Variants in TRA2A observed in about 807,000 individuals in gnomAD.
TRA2A encodes the protein transformer-2 protein homolog alpha.
TRA2A carries 31 observed loss-of-function variants against 45.7 expected under a neutral mutation model. The ratio of observed to expected loss-of-function variants is 0.68; its 90% CI spans 0.51 to 0.92. The LOEUF is 0.92. Ranked by LOEUF, TRA2A falls within the 40% of genes least tolerant of loss-of-function variation. The pLI is 0.00. For synonymous variants in TRA2A, 132 were observed against 126.2 expected, an observed-to-expected ratio of 1.05 and a Z score of -0.31; for missense variants, 304 against 367.5, an observed-to-expected ratio of 0.83 and a Z score of 1.41.
In TRA2A at chr7:23,516,341, T is replaced by C. The variant is rs1789869055; in HGVS notation, c.336+22A>G. On this transcript the variant is annotated intron_variant, in intron 3 of 7. Transcript: ENST00000297071. ...ACATAAAAGAGAAAATAAGTCTTCA[T>C]TAACTTTTATAAACCACGTACCCTG... 2.5e-6 allele frequency: 4 copies of C among 1,612,906 alleles called. No homozygotes were observed. In the Admixed American group the frequency reaches 6.7e-5, roughly 27 times the overall value.
chr7:23,516,331 T>TA (rs773830934), intron 3 of TRA2A, 32 bp downstream of exon 3: 12 of 1,610,744 alleles, frequency 7.4e-6, no homozygotes, highest in African/African-American at 1.3e-5. Context: ...AAAGAGAAAA[T>TA]AAGTCTTCAT....
chr7:23,516,780 A>C (rs981872443), intron 2 of TRA2A, among the ~76,000 whole-genome samples: 5 of 152,056 alleles, frequency 3.3e-5, no homozygotes, highest in African/African-American at 4.8e-5. Context: ...TAAAAAACAA[A>C]AAAAAAACAA....
chr7:23,525,449 G>GC (rs750486782), intron 1 of TRA2A, among the ~76,000 whole-genome samples: 35 of 152,126 alleles, frequency 2.3e-4, no homozygotes, highest in Non-Finnish European at 4.4e-4. Flanking sequence ...AAAATACACT[G>GC]CCCGGTTTAA....
chr7:23,514,276 C>T (rs533795715), intron 3 of TRA2A, among the ~76,000 whole-genome samples: 184 of 152,122 alleles, frequency 1.2e-3, no homozygotes, highest in South Asian at 2.7e-3. Flanking sequence ...CCATGTTGGT[C>T]AGCCTGGTCT....
Position 23,516,466 on chromosome 7 carries a change from T to C in TRA2A, c.233A>G (p.His78Arg). 9 of 1,612,072 alleles carry C rather than the reference T, an allele frequency of 5.6e-6. No individual in the cohort carries two copies. Among genetic ancestry groups the C allele is most frequent in the Non-Finnish European group, 7.6e-6 (9 of 1,178,108 alleles). Residue 78 changes from histidine (H) to arginine (R), a missense_variant, in exon 3 of 8, where the codon CAT becomes CGT. By Grantham distance (29) the His-to-Arg change is conservative (BLOSUM62 0). Transcript: ENST00000297071. ...TGATCTACTTCGAGATCGTCTCCTA[T>C]GAGAGTGAGAGTGGGATCTGGATCG... The part of the protein sequence containing the change: ...YTRSRSHSHS[H>R]RRRSRSRSYT...
At chr7:23,509,243 T>C (rs762808050) in intron 4 of TRA2A, among the ~76,000 whole-genome samples, 4 of 152,088 alleles carry the variant, frequency 2.6e-5, no homozygotes, top group Non-Finnish European at 4.4e-5. Context: ...ATTCTCTAAG[T>C]TGATCTCCCT....
intron 4 of TRA2A, among the ~76,000 whole-genome samples, chr7:23,510,928 TAG>T (rs1033769607): frequency 2.6e-5 from 4 of 152,140 alleles, no homozygotes; most frequent in African/African-American, 9.7e-5. Flanking sequence ...ACTAGTTTGT[TAG>T]AGTTATCCGG....
At chr7:23,518,231 A>G (rs28558701) in intron 2 of TRA2A, among the ~76,000 whole-genome samples, 54,144 of 151,694 alleles carry the variant, frequency 0.36, 9,827 homozygotes, top group South Asian at 0.43. Context: ...ATAAAGTTCT[A>G]CATTCCCCTC....
At chr7:23,522,084 C>T in intron 1 of TRA2A, 2 of 1,339,330 alleles carry the variant, frequency 1.5e-6, no homozygotes, top group Non-Finnish European at 1.9e-6. Flanking sequence ...AATTCATCTA[C>T]AACTTGATCA....
rs201540827 is a variant in TRA2A at position 23,506,113 on chromosome 7, C to T, written c.770+25G>A. Reference sequence around the variant, plus strand: ...AACACTACTATCATCTAATTTAGAACAGAAAGCTCAAGTTAAAACATTACC... The same window carrying T: ...AACACTACTATCATCTAATTTAGAATAGAAAGCTCAAGTTAAAACATTACC... On this transcript the variant is annotated intron_variant, in intron 6 of 7. Coordinates refer to ENST00000297071, the MANE Select transcript of TRA2A (RefSeq NM_013293.5). 8.2e-6 allele frequency: 13 copies of T among 1,583,500 alleles called. 1 individual carries two copies. The Admixed American group carries it at 2.3e-4, about 28-fold the overall frequency.
intron 3 of TRA2A, among the ~76,000 whole-genome samples, 161 bp downstream of exon 3, chr7:23,516,202 T>C (rs535971594): frequency 2.0e-5 from 3 of 152,338 alleles, no homozygotes; most frequent in Non-Finnish European, 4.4e-5. Context: ...TTACGAAAGA[T>C]GGTGGCATTT....
intron 4 of TRA2A, among the ~76,000 whole-genome samples, chr7:23,511,370 C>CAAAAAAAAAAAAA (rs567187750): frequency 3.2e-4 from 13 of 40,106 alleles, no homozygotes; most frequent in East Asian, 1.4e-3. Context: ...GACTCCATCT[C>CAAAAAAAAAAAAA]AAAAAAAAAA....
chr7:23,519,597 T>C (rs574889301), intron 2 of TRA2A, among the ~76,000 whole-genome samples: 5 of 152,202 alleles, frequency 3.3e-5, no homozygotes, highest in Admixed American at 6.5e-5. Context: ...AGTCTCTACT[T>C]TTTTTCAGCT....
chr7:23,516,572 G>C, intron 2 of TRA2A, 44 bp from the exon 3 acceptor site: 1 of 1,575,496 alleles, frequency 6.3e-7, no homozygotes, highest in South Asian at 1.1e-5. Flanking sequence ...AAACAAAATG[G>C]CTAAAGTCCT....
At chr7:23,514,701 T>C (rs1789777937) in intron 3 of TRA2A, among the ~76,000 whole-genome samples, 1 of 152,094 alleles carries the variant, frequency 6.6e-6, no homozygotes, top group African/African-American at 2.4e-5. Flanking sequence ...GCTCAGGGAA[T>C]CCTCCCATCT....
chr7:23,519,434 T>A (rs1442062524), intron 2 of TRA2A, among the ~76,000 whole-genome samples: 2 of 151,978 alleles, frequency 1.3e-5, no homozygotes, highest in African/African-American at 2.4e-5. Context: ...AGACCAGCAG[T>A]GATGACAGTC....
chr7:23,520,313 T>C (rs1334522956), intron 2 of TRA2A, among the ~76,000 whole-genome samples: 2 of 152,286 alleles, frequency 1.3e-5, no homozygotes, highest in South Asian at 2.1e-4. Context: ...AAGGGAATAA[T>C]GGATATGTGA....
rs1321135812 is a variant in TRA2A, at chr7:23,506,215, G to A, written c.693C>T (p.Gly231=). 1.2e-6 allele frequency: 2 copies of A among 1,613,114 alleles called. No homozygotes were observed. Among genetic ancestry groups the A allele is most frequent in the Non-Finnish European group, 1.7e-6 (2 of 1,179,346 alleles). ...GGGGGGGGGG[G]RRRDSYYDRG... is the part of the protein sequence containing the mutation. ...TATCATAGTAAGAATCTCGACGTCT[G>A]CCACCACCTCCACCTCCACCGCCGC... Residue 231 remains glycine, a synonymous_variant, in exon 6 of 8, where the codon GGC becomes GGT. Transcript: ENST00000297071.
chr7:23,510,431 G>A (rs1789546598), intron 4 of TRA2A, among the ~76,000 whole-genome samples: 1 of 152,128 alleles, frequency 6.6e-6, no homozygotes, highest in African/African-American at 2.4e-5. Flanking sequence ...CTAGGTTCAA[G>A]CAATTCTCCT....
Sources: gnomAD v4.1 joint callset for allele counts (sites outside exome capture counted in the v4.1 genomes callset) on GRCh38, gnomAD v4.1.1 for gene constraint, MANE v1.5 for transcripts, NCBI Gene and HGNC (gene_info 2026-07-23, HGNC 2026-07-21) for gene names.